The following RBM33 variants were observed in gnomAD, a reference collection of about 807,000 sequenced individuals.
The protein encoded by RBM33 is RNA-binding protein 33.
RBM33 carries 28 observed loss-of-function variants against 132.6 expected under a neutral mutation model. That is an observed-to-expected ratio of 0.21 (90% confidence interval 0.16 to 0.29). The LOEUF is 0.29. Ranked by LOEUF, RBM33 falls within the 10% of genes least tolerant of loss-of-function variation. The pLI is 1.00. For missense variants in RBM33, 1,291 were observed against 1,518.5 expected, an observed-to-expected ratio of 0.85 and a Z score of 2.49; for synonymous variants, 634 against 593.0, an observed-to-expected ratio of 1.07 and a Z score of -1.01.
At chr7:155,750,373 A>AT (rs1554484922) in intron 14 of RBM33, among the ~76,000 whole-genome samples, 2 of 152,048 alleles carry the variant, frequency 1.3e-5, no homozygotes, top group African/African-American at 4.8e-5. Flanking sequence ...GTGTAAACTT[A>AT]TATAGTCATC....
At chr7:155,661,146 A>ATATATATATTTTTTTT (rs1421586760) in intron 1 of RBM33, among the ~76,000 whole-genome samples, 6 of 81,182 alleles carry the variant, frequency 7.4e-5, no homozygotes, top group Non-Finnish European at 1.5e-4. Context: ...ATATATATAT[A>ATATATATATTTTTTTT]TTTTTTTTTT....
At chr7:155,737,310 G>C (rs752018006) in intron 9 of RBM33, among the ~76,000 whole-genome samples, 2 of 150,028 alleles carry the variant, frequency 1.3e-5, no homozygotes, top group Non-Finnish European at 3.0e-5. Flanking sequence ...AATCACCTAA[G>C]GATGCGTGTC....
At chr7:155,698,503 G>A (rs1799863716) in intron 5 of RBM33, among the ~76,000 whole-genome samples, 1 of 152,194 alleles carries the variant, frequency 6.6e-6, no homozygotes, top group South Asian at 2.1e-4. Context: ...CTAGCTTAGT[G>A]GATGTTGTCA....
intron 6 of RBM33, among the ~76,000 whole-genome samples, chr7:155,701,791 G>C (rs1799973430): frequency 6.6e-6 from 1 of 152,138 alleles, no homozygotes; most frequent in South Asian, 2.1e-4. Flanking sequence ...AGGTTCAACT[G>C]AGTCTTCTGC....
At chr7:155,677,040 AT>A (rs1799203070) in intron 3 of RBM33, among the ~76,000 whole-genome samples, 1 of 152,050 alleles carries the variant, frequency 6.6e-6, no homozygotes, top group South Asian at 2.1e-4. Flanking sequence ...TGAATTATTA[AT>A]TTTTAAAGCT....
rs1802823229 is a variant in RBM33 at position 155,781,225 on chromosome 7, G to A, written c.*6184G>A. 1 of 152,436 alleles carries A rather than the reference G, an allele frequency of 6.6e-6. No homozygotes were observed. The highest frequency in any genetic ancestry group is 6.5e-5 in the Admixed American group (1 of 15,284). The allele number at this position is 152,436 out of a possible 1,614,324, so 9.4% of individuals were successfully genotyped here. A position where few individuals can be genotyped will look rare whatever the true frequency, so the allele number is the denominator to read the frequency against. On this transcript the variant is annotated 3_prime_UTR_variant, in exon 18 of 18. Transcript: ENST00000401878. ...GACGGGAGTGCGTTTCTCTGGGTTT[G>A]ATCTCCATCCTGTTTTCTCCCAGAC...
At position 155,711,439 on chromosome 7, in the gene RBM33, G is replaced by A. The variant is rs897040834; in HGVS notation, c.1185G>A (p.Val395=). The A allele has an allele frequency of 1.3e-5, 19 of 1,473,086 alleles. No homozygotes were observed. Among genetic ancestry groups the A allele is most frequent in the Non-Finnish European group, 1.7e-5 (19 of 1,110,378 alleles). The allele number at this position is 1,473,086 out of a possible 1,614,324, so 91.3% of individuals were successfully genotyped here. Residue 395 remains valine (V), a synonymous_variant, in exon 8 of 18, where the codon GTG becomes GTA. Transcript: ENST00000401878. ...TCAACCCGCACTTCAAAGGGACGGTGGTCACGCCTGTTCAAGGTCTGTGTT... is the reference window on the plus strand; with the variant it reads ...TCAACCCGCACTTCAAAGGGACGGTAGTCACGCCTGTTCAAGGTCTGTGTT... The part of the protein sequence containing the change: ...IHINPHFKGT[V]VTPVQVPLLP...
intron 9 of RBM33, among the ~76,000 whole-genome samples, chr7:155,720,703 A>G (rs1357162567): frequency 6.6e-6 from 1 of 152,202 alleles, no homozygotes; most frequent in Non-Finnish European, 1.5e-5. Context: ...AAATTTAAGA[A>G]TAGTGAAGAC....
chr7:155,737,353 C>CTGTGTG (rs59512454), intron 9 of RBM33, among the ~76,000 whole-genome samples, 177 bp from the exon 10 acceptor site: 15,610 of 142,780 alleles, frequency 0.11, 844 homozygotes, highest in East Asian at 0.18. Context: ...ATGCATGACT[C>CTGTGTG]TGTGTGTGTG....
At chr7:155,666,514 C>T (rs1798806051) in intron 2 of RBM33, among the ~76,000 whole-genome samples, 1 of 152,192 alleles carries the variant, frequency 6.6e-6, no homozygotes, top group African/African-American at 2.4e-5. Flanking sequence ...CAAAATCAGC[C>T]AGTATGCATT....
intron 5 of RBM33, among the ~76,000 whole-genome samples, chr7:155,683,197 T>C (rs982510868): frequency 1.4e-4 from 22 of 152,336 alleles, no homozygotes; most frequent in African/African-American, 5.1e-4. Context: ...CTGAATGATC[T>C]GAAATGGCCG....
At chr7:155,671,452 G>C (rs772086503) in intron 2 of RBM33, among the ~76,000 whole-genome samples, 1 of 152,114 alleles carries the variant, frequency 6.6e-6, no homozygotes, top group Non-Finnish European at 1.5e-5. Flanking sequence ...TTAAAATAAC[G>C]AATAAAGTCT....
At chr7:155,714,412 G>A (rs1800399775) in intron 8 of RBM33, among the ~76,000 whole-genome samples, 1 of 152,160 alleles carries the variant, frequency 6.6e-6, no homozygotes, top group South Asian at 2.1e-4. Flanking sequence ...GAGTGAGATG[G>A]AAGGGTGGAA....
intron 12 of RBM33, among the ~76,000 whole-genome samples, chr7:155,741,193 G>A (rs934972058): frequency 6.6e-6 from 1 of 152,130 alleles, no homozygotes; most frequent in Non-Finnish European, 1.5e-5. Flanking sequence ...TATTTGACCT[G>A]CGGGACCTCG....
At position 155,742,121 on chromosome 7, in the gene RBM33, T is replaced by G. The variant is rs757847601; in HGVS notation, c.2337+15T>G. ...CAGAAACAGAGGTAGGACACTGCTC[T>G]TATTAACAAATGTTGGTCTCAAACA... On this transcript the variant is annotated intron_variant, in intron 13 of 17. Coordinates refer to ENST00000401878, the MANE Select transcript of RBM33 (RefSeq NM_053043.3). 3 of 1,590,260 alleles carry G rather than the reference T, an allele frequency of 1.9e-6. No individual in the cohort carries two copies. The highest frequency in any genetic ancestry group is 2.2e-5 in the South Asian group (2 of 89,530).
At chr7:155,684,803 C>T in intron 5 of RBM33, 1 of 985,638 alleles carries the variant, frequency 1.0e-6, no homozygotes. Context: ...GTGCTTTGTG[C>T]TCAGTCAGCT....
At chr7:155,755,177 C>T (rs1052792407) in intron 14 of RBM33, among the ~76,000 whole-genome samples, 1 of 152,102 alleles carries the variant, frequency 6.6e-6, no homozygotes, top group African/African-American at 2.4e-5. Flanking sequence ...TTAATAGAAA[C>T]CTGTTCAGTG....
At chr7:155,681,720 C>A (rs1799343238) in intron 5 of RBM33, among the ~76,000 whole-genome samples, 1 of 151,784 alleles carries the variant, frequency 6.6e-6, no homozygotes, top group African/African-American at 2.4e-5. Flanking sequence ...AAAATTGGGG[C>A]CTTAAAGAGC....
intron 5 of RBM33, among the ~76,000 whole-genome samples, chr7:155,686,434 G>A (rs1227754116): frequency 1.3e-5 from 2 of 151,992 alleles, no homozygotes; most frequent in African/African-American, 4.8e-5. Flanking sequence ...CAAGGAATTC[G>A]GTGCCTGTTA....
Sources: allele counts gnomAD v4.1 joint callset (sites outside exome capture counted in the v4.1 genomes callset), GRCh38; gene constraint gnomAD v4.1.1; transcripts MANE v1.5; gene names NCBI Gene and HGNC (gene_info 2026-07-23, HGNC 2026-07-21).